The following NELL1 variants were observed in gnomAD, a reference collection of about 807,000 sequenced individuals.
NELL1 encodes neural EGFL like 1, also known as protein kinase C-binding protein NELL1.
NELL1 carries 76 observed loss-of-function variants against 107.4 expected under a neutral mutation model. The ratio of observed to expected loss-of-function variants is 0.71; its 90% CI spans 0.59 to 0.86. NELL1 has a LOEUF of 0.86. NELL1 is among the 40% of genes least tolerant of loss of function. The pLI is 0.00. For synonymous variants in NELL1, 353 were observed against 341.2 expected (o/e 1.03, Z -0.38); for missense variants, 1,024 against 1,005.5 (o/e 1.02, Z -0.25).
intron 12 of NELL1, among the ~76,000 whole-genome samples, chr11:21,044,190 C>G (rs1209135561): frequency 6.6e-6 from 1 of 152,034 alleles, no homozygotes; most frequent in Non-Finnish European, 1.5e-5. Context: ...ATAGAAGGTG[C>G]CTTTAGCAAG....
intron 15 of NELL1, among the ~76,000 whole-genome samples, chr11:21,426,920 A>C (rs1340392988): frequency 6.6e-6 from 1 of 152,088 alleles, no homozygotes; most frequent in Non-Finnish European, 1.5e-5. Context: ...AGCTTATGGG[A>C]GAATCTGAAA....
At position 20,789,165 on chromosome 11, in the gene NELL1, C is replaced by T. The variant is rs567696915; in HGVS notation, c.335+5335C>T. Among the ~76,000 whole-genome samples the T allele has an allele frequency of 3.9e-5, 6 of 152,262 alleles. No individual in the cohort carries two copies. In the East Asian group the frequency reaches 7.7e-4, roughly 20 times the overall value. On this transcript the variant is annotated intron_variant, in intron 3 of 19. Transcript: ENST00000357134. ...GAGTTTTGCTAGGGCCCACTGGGCT[C>T]GTTCTACCCACTCGGCCTGGCAGGC...
At chr11:21,416,263 C>T (rs538182549) in intron 15 of NELL1, among the ~76,000 whole-genome samples, 4 of 152,108 alleles carry the variant, frequency 2.6e-5, no homozygotes, top group African/African-American at 9.6e-5. Flanking sequence ...AAATGATATT[C>T]ATAGAAGGGT....
chr11:20,932,824 C>G (rs1430195435), intron 9 of NELL1, among the ~76,000 whole-genome samples: 1 of 152,042 alleles, frequency 6.6e-6, no homozygotes, highest in Non-Finnish European at 1.5e-5. Flanking sequence ...ATCTCTGTTA[C>G]AATAAAGAAT....
At chr11:20,857,900 G>A (rs1260956951) in intron 4 of NELL1, among the ~76,000 whole-genome samples, 1 of 152,128 alleles carries the variant, frequency 6.6e-6, no homozygotes, top group Non-Finnish European at 1.5e-5. Context: ...GTAGGCTTTG[G>A]GTCGCAACTA....
At chr11:21,520,297 G>C (rs1333243077) in intron 15 of NELL1, among the ~76,000 whole-genome samples, 1 of 152,094 alleles carries the variant, frequency 6.6e-6, no homozygotes, top group Middle Eastern at 3.2e-3. Context: ...AAGTAGTGCT[G>C]ATTTTACCTC....
chr11:20,780,922 T>A (rs1856838279), intron 2 of NELL1, among the ~76,000 whole-genome samples: 1 of 152,206 alleles, frequency 6.6e-6, no homozygotes, highest in Admixed American at 6.5e-5. Context: ...GTGTGCAACT[T>A]TGCAGGCATG....
intron 12 of NELL1, among the ~76,000 whole-genome samples, chr11:21,099,854 G>T (rs1289279752): frequency 6.6e-6 from 1 of 152,124 alleles, no homozygotes; most frequent in Non-Finnish European, 1.5e-5. Flanking sequence ...AGAAATACAG[G>T]CCTGGGATTG....
At chr11:21,498,215 T>C (rs2133927534) in intron 15 of NELL1, among the ~76,000 whole-genome samples, 1 of 151,490 alleles carries the variant, frequency 6.6e-6, no homozygotes, top group African/African-American at 2.4e-5. Flanking sequence ...ATATTCTTTC[T>C]TGACTCTATT....
chr11:21,303,084 CTATA>C (rs1849530288), intron 14 of NELL1, among the ~76,000 whole-genome samples: 1 of 149,594 alleles, frequency 6.7e-6, no homozygotes, highest in Admixed American at 6.7e-5. Context: ...ATATCTATAT[CTATA>C]TCTATATCTA....
intron 15 of NELL1, among the ~76,000 whole-genome samples, chr11:21,505,979 C>A (rs1410642066): frequency 2.0e-5 from 3 of 152,172 alleles, no homozygotes; most frequent in African/African-American, 7.2e-5. Context: ...CCCAAAATAT[C>A]TGTTTAGTTC....
chr11:20,942,351 C>G (rs559333042), intron 10 of NELL1, among the ~76,000 whole-genome samples: 4 of 152,270 alleles, frequency 2.6e-5, no homozygotes, highest in African/African-American at 4.8e-5. Flanking sequence ...GTGTGGTGGT[C>G]TCTCTGCATC....
At chr11:21,327,355 C>T (rs1850169869) in intron 14 of NELL1, among the ~76,000 whole-genome samples, 1 of 151,612 alleles carries the variant, frequency 6.6e-6, no homozygotes. Context: ...AAAAAAAAAT[C>T]TGATGGTTTT....
intron 2 of NELL1, among the ~76,000 whole-genome samples, chr11:20,782,906 C>T (rs965911247): frequency 6.6e-6 from 1 of 152,090 alleles, no homozygotes; most frequent in Non-Finnish European, 1.5e-5. Flanking sequence ...TCTTGTTATG[C>T]TGATATTGGA....
intron 15 of NELL1, among the ~76,000 whole-genome samples, chr11:21,375,454 G>A (rs556662660): frequency 6.6e-6 from 1 of 152,042 alleles, no homozygotes; most frequent in Non-Finnish European, 1.5e-5. Flanking sequence ...CTCCACTATT[G>A]AGCACTTAGA....
At chr11:21,549,385 A>T (rs945543652) in intron 16 of NELL1, among the ~76,000 whole-genome samples, 3 of 151,956 alleles carry the variant, frequency 2.0e-5, no homozygotes, top group Non-Finnish European at 4.4e-5. Context: ...ACTCAATAAA[A>T]GTACCTAGGG....
Position 21,352,401 on chromosome 11 carries a change from A to T in NELL1, c.1550-18452A>T, listed in dbSNP as rs1388625836. On this transcript the variant is annotated intron_variant, in intron 14 of 19. Coordinates refer to ENST00000357134, the MANE Select transcript of NELL1 (RefSeq NM_006157.5). Reference sequence around the variant, plus strand: ...TTGGCACATAGTAGTATTTTGATTGATAGTTTTTGAATGGATGGATGAACA... The same window carrying T: ...TTGGCACATAGTAGTATTTTGATTGTTAGTTTTTGAATGGATGGATGAACA... Among the ~76,000 whole-genome samples, 3 of 152,098 alleles carry T rather than the reference A, an allele frequency of 2.0e-5. 1 individual carries two copies. The highest frequency in any genetic ancestry group is 2.0e-4 in the Admixed American group (3 of 15,258).
chr11:21,193,544 A>G (rs1258426356), intron 13 of NELL1, among the ~76,000 whole-genome samples: 2 of 151,960 alleles, frequency 1.3e-5, no homozygotes, highest in East Asian at 3.8e-4. Context: ...CAGGCAATAA[A>G]GAAGCTTTGA....
chr11:21,443,064 C>T (rs1564896292), intron 15 of NELL1, among the ~76,000 whole-genome samples: 2 of 146,264 alleles, frequency 1.4e-5, no homozygotes, highest in Admixed American at 7.1e-5. Context: ...TTATTTGGCT[C>T]ACAGTTCTGG....
Sources: gnomAD v4.1 joint callset for allele counts (sites outside exome capture counted in the v4.1 genomes callset) on GRCh38, gnomAD v4.1.1 for gene constraint, MANE v1.5 for transcripts, NCBI Gene and HGNC (gene_info 2026-07-23, HGNC 2026-07-21) for gene names.